The following DCC variants were observed in gnomAD, a reference collection of about 807,000 sequenced individuals.
DCC encodes netrin receptor DCC.
Under a neutral mutation model 172.5 loss-of-function variants are expected in DCC, and 58 were observed. That is an observed-to-expected ratio of 0.34 (90% CI 0.27 to 0.42). DCC has a LOEUF of 0.42. Ranked by LOEUF, DCC falls within the 10% of genes least tolerant of loss-of-function variation. The pLI is 1.00. For synonymous variants in DCC, 709 were observed against 644.5 expected, an observed-to-expected ratio of 1.10 and a Z score of -1.52; for missense variants, 1,740 against 1,791.0, an observed-to-expected ratio of 0.97 and a Z score of 0.51.
chr18:52,452,921 A>C (rs1988349472), intron 1 of DCC, among the ~76,000 whole-genome samples: 1 of 152,266 alleles, frequency 6.6e-6, no homozygotes, highest in Non-Finnish European at 1.5e-5. Flanking sequence ...AAGACATCTC[A>C]GGTAATTTTA....
At position 53,531,047 on chromosome 18, in the gene DCC, C is replaced by G. The variant is rs1226413996; in HGVS notation, c.*394C>G. On this transcript the variant is annotated 3_prime_UTR_variant, in exon 29 of 29. Coordinates refer to ENST00000442544, the MANE Select transcript of DCC (RefSeq NM_005215.4). Reference sequence around the variant, plus strand: ...ACAAAATGCAAGTGCATTATTTAAGCCTGTACCATGCCATGGCAAACCAGT... The same window carrying G: ...ACAAAATGCAAGTGCATTATTTAAGGCTGTACCATGCCATGGCAAACCAGT... 3 of 296,640 alleles carry G rather than the reference C, an allele frequency of 1.0e-5. No homozygotes were observed. Among genetic ancestry groups the G allele is most frequent in the African/African-American group, 2.1e-5 (1 of 46,704 alleles). 18.4% of individuals were successfully genotyped at this position (296,640 alleles called of 1,614,324 possible).
chr18:52,839,463 T>C (rs1344326796), intron 2 of DCC, among the ~76,000 whole-genome samples: 1 of 152,234 alleles, frequency 6.6e-6, no homozygotes, highest in Middle Eastern at 3.4e-3. Context: ...TCATCGTGAG[T>C]GACAATTACA....
At chr18:53,403,015 C>A in intron 19 of DCC, 122 bp downstream of exon 19, 1 of 759,158 alleles carries the variant, frequency 1.3e-6, no homozygotes. Flanking sequence ...CAGCTGACTC[C>A]ATGACCCTTT....
chr18:52,901,760 A>G (rs371198023), intron 2 of DCC, among the ~76,000 whole-genome samples: 1 of 152,210 alleles, frequency 6.6e-6, no homozygotes, highest in African/African-American at 2.4e-5. Context: ...GCAATACTCT[A>G]TTTAAACATT....
chr18:52,918,062 T>G (rs2040067068), intron 3 of DCC, among the ~76,000 whole-genome samples: 1 of 152,174 alleles, frequency 6.6e-6, no homozygotes, highest in Non-Finnish European at 1.5e-5. Context: ...TCTCTCAGTT[T>G]TATTTTAAAA....
chr18:52,902,878 A>C (rs1000871814), intron 2 of DCC, among the ~76,000 whole-genome samples: 6 of 152,220 alleles, frequency 3.9e-5, no homozygotes, highest in African/African-American at 1.4e-4. Context: ...ACTATGACAA[A>C]TAATCAACTC....
At chr18:52,751,888 T>C (rs2037000098) in intron 1 of DCC, 166 bp from the exon 2 acceptor site, 1 of 623,170 alleles carries the variant, frequency 1.6e-6, no homozygotes, top group Non-Finnish European at 2.8e-6. Context: ...CTGGGTACTT[T>C]TTTGCTTATT....
At chr18:52,823,580 T>C (rs988682824) in intron 2 of DCC, among the ~76,000 whole-genome samples, 4 of 152,074 alleles carry the variant, frequency 2.6e-5, no homozygotes, top group African/African-American at 7.2e-5. Context: ...CTTACTAAGG[T>C]GGGAGATGTA....
At chr18:53,114,182 T>C (rs537291236) in intron 7 of DCC, among the ~76,000 whole-genome samples, 1 of 151,678 alleles carries the variant, frequency 6.6e-6, no homozygotes, top group South Asian at 2.1e-4. Context: ...TCATTTATAA[T>C]ACCAGTTAGC....
At chr18:53,108,262 C>CAAA (rs1478832790) in intron 7 of DCC, among the ~76,000 whole-genome samples, 1 of 151,736 alleles carries the variant, frequency 6.6e-6, no homozygotes, top group Admixed American at 6.6e-5. Flanking sequence ...TGACAGCTCC[C>CAAA]AAAGAAACTC....
At chr18:52,928,639 C>T (rs8084200) in intron 5 of DCC, among the ~76,000 whole-genome samples, 36 of 151,992 alleles carry the variant, frequency 2.4e-4, no homozygotes, top group African/African-American at 8.2e-4. Context: ...TGAGTTCAAA[C>T]CATGTGAGAC....
intron 15 of DCC, among the ~76,000 whole-genome samples, chr18:53,378,050 G>T (rs751876925): frequency 6.6e-6 from 1 of 152,028 alleles, no homozygotes. Context: ...CAACTTCTGC[G>T]TCCTGGGTTC....
chr18:52,602,854 C>A (rs1362943238), intron 1 of DCC, among the ~76,000 whole-genome samples: 1 of 151,982 alleles, frequency 6.6e-6, no homozygotes, highest in Non-Finnish European at 1.5e-5. Flanking sequence ...AATTGCTTTG[C>A]ACAATTAAAG....
Position 52,927,134 on chromosome 18 carries a change from TAC to T in DCC, c.985+1765_985+1766del, listed in dbSNP as rs1168925645. 2.1e-5 allele frequency among the ~76,000 whole-genome samples: 2 copies of T among 94,186 alleles called. 1 individual carries two copies. Among genetic ancestry groups the T allele is most frequent in the Non-Finnish European group, 4.9e-5 (2 of 40,594 alleles). The allele number at this position is 94,186 out of a possible 152,430, so 61.8% of individuals were successfully genotyped here. The stretch of plus-strand genomic sequence containing the variant: ...GTATATACGTGTATATACACGTATA[TAC>T]GTGTATATATGTGTATATATACGTA... On this transcript the variant is annotated intron_variant, in intron 5 of 28. Coordinates refer to ENST00000442544, the MANE Select transcript of DCC (RefSeq NM_005215.4).
At chr18:52,810,456 G>A in intron 2 of DCC, among the ~76,000 whole-genome samples, 1 of 152,186 alleles carries the variant, frequency 6.6e-6, no homozygotes, top group East Asian at 1.9e-4. Context: ...CCATGCCCAA[G>A]AACAATAAGG....
chr18:52,502,458 T>C lies in DCC; in HGVS notation c.91+161580T>C, dbSNP rs75442863. 4.1e-4 allele frequency among the ~76,000 whole-genome samples: 63 copies of C among 152,290 alleles called. No individual in the cohort carries two copies. In the East Asian group the frequency reaches 0.011, roughly 28 times the overall value. Reference sequence around the variant, plus strand: ...CACTATTTAACATTTTTTCCAAATATGCACATTTTCAGGAAAGATACTGGG... The same window carrying C: ...CACTATTTAACATTTTTTCCAAATACGCACATTTTCAGGAAAGATACTGGG... On this transcript the variant is annotated intron_variant, in intron 1 of 28. Coordinates refer to ENST00000442544, the MANE Select transcript of DCC (RefSeq NM_005215.4).
chr18:52,544,614 C>T (rs1354034609), intron 1 of DCC, among the ~76,000 whole-genome samples: 1 of 152,074 alleles, frequency 6.6e-6, no homozygotes, highest in African/African-American at 2.4e-5. Flanking sequence ...CTCTGCTATT[C>T]CATGCATGTC....
chr18:53,442,834 T>G (rs1486945660), intron 22 of DCC, among the ~76,000 whole-genome samples: 2 of 152,200 alleles, frequency 1.3e-5, no homozygotes, highest in African/African-American at 4.8e-5. Context: ...TTTTGTGGTC[T>G]GGATAAAAGA....
rs142839951 is a variant in DCC at position 53,077,978 on chromosome 18, G to A, written c.1261+11812G>A. The stretch of plus-strand genomic sequence containing the variant: ...GGTTAAATGTGTGAACCGTCTTGAG[G>A]TGAATATCACATAATTGTTGCTATC... On this transcript the variant is annotated intron_variant, in intron 7 of 28. Transcript: ENST00000442544. Among the ~76,000 whole-genome samples, 1,352 of 152,258 alleles carry A rather than the reference G, an allele frequency of 8.9e-3. 15 individuals carry two copies. Among genetic ancestry groups the A allele is most frequent in the Non-Finnish European group, 0.015 (1,012 of 68,014 alleles).
Sources: allele counts gnomAD v4.1 joint callset (sites outside exome capture counted in the v4.1 genomes callset), GRCh38; gene constraint gnomAD v4.1.1; transcripts MANE v1.5; gene names NCBI Gene and HGNC (gene_info 2026-07-23, HGNC 2026-07-21).